DNAH12: variants seen among roughly 807,000 people sequenced by gnomAD.
DNAH12 encodes dynein axonemal heavy chain 12, also known as axonemal beta dynein heavy chain 12.
In DNAH12, 285 loss-of-function variants were observed where a neutral mutation model predicts 371.5. The ratio of observed to expected loss-of-function variants is 0.77; its 90% confidence interval spans 0.70 to 0.85. The LOEUF is 0.85. DNAH12 is among the 40% of genes least tolerant of loss of function. The probability of loss-of-function intolerance (pLI) is 0.00; values close to 1 mark genes in which losing one functional copy is unlikely to be tolerated. For synonymous variants in DNAH12, 1,200 were observed against 1,213.0 expected (o/e 0.99, Z 0.22); for missense variants, 3,611 against 3,689.4 (o/e 0.98, Z 0.55).
chr3:57,362,293 T>C (rs2062954927), intron 58 of DNAH12, among the ~76,000 whole-genome samples: 1 of 152,168 alleles, frequency 6.6e-6, no homozygotes, highest in Non-Finnish European at 1.5e-5. Context: ...TGGTTCCAAG[T>C]CTTTGCTATT....
At chr3:57,546,620 A>G (rs139214898), upstream of DNAH12, among the ~76,000 whole-genome samples, 640 of 152,314 alleles carry the variant, frequency 4.2e-3, 2 homozygotes, top group Middle Eastern at 0.01. Context: ...TTGGGATTAT[A>G]GGCATGAGCC....
intron 8 of DNAH12, among the ~76,000 whole-genome samples, chr3:57,505,540 A>G (rs1458431702): frequency 6.6e-6 from 1 of 151,758 alleles, no homozygotes; most frequent in Non-Finnish European, 1.5e-5. Flanking sequence ...TCCCGGGTTC[A>G]AGCAATTCTC....
At chr3:57,555,918 G>A in the DNAH12 span, among the ~76,000 whole-genome samples, 2 of 152,200 alleles carry the variant, frequency 1.3e-5, no homozygotes, top group Admixed American at 1.3e-4. Context: ...CTCGCAATCC[G>A]GGTGGAGGCC....
At chr3:57,300,112 T>C (rs1257774459) in intron 70 of DNAH12, among the ~76,000 whole-genome samples, 1 of 152,218 alleles carries the variant, frequency 6.6e-6, no homozygotes, top group East Asian at 1.9e-4. Flanking sequence ...CCCTGGTTCT[T>C]TGCAGATAGC....
intron 39 of DNAH12, among the ~76,000 whole-genome samples, chr3:57,410,810 T>G (rs1420523707): frequency 2.3e-5 from 3 of 130,482 alleles, no homozygotes; most frequent in African/African-American, 3.3e-5. Context: ...AGCAAGACTT[T>G]GTCTCAAAGG....
chr3:57,493,527 C>CAAATA lies in DNAH12; in HGVS notation c.1336-3841_1336-3840insTATTT, dbSNP rs1018633344. ...ACCAAAAGACAACTATATACCATCC[C>CAAATA]TGAATTTGTGAAAGTAATAATGCAT... On this transcript the variant is annotated intron_variant, in intron 11 of 73. Coordinates refer to ENST00000495027, the MANE Select transcript of DNAH12 (RefSeq NM_001366028.2). 205 of 152,214 alleles carry CAAATA rather than the reference C, an allele frequency of 1.3e-3. 1 individual carries two copies. The highest frequency in any genetic ancestry group is 4.7e-3 in the African/African-American group (194 of 41,528). 9.4% of individuals were successfully genotyped at this position (152,214 alleles called of 1,614,324 possible).
In DNAH12 at chr3:57,333,588, C is replaced by G. The variant is rs190468856; in HGVS notation, c.9978+877G>C. On this transcript the variant is annotated intron_variant, in intron 62 of 73. Coordinates refer to ENST00000495027, the MANE Select transcript of DNAH12 (RefSeq NM_001366028.2). Reference sequence around the variant, plus strand: ...TCAAGTGATCTGTCCTCCTCGGCCTCCCAAAGGCCAGGATTACAGGCATGA... The same window carrying G: ...TCAAGTGATCTGTCCTCCTCGGCCTGCCAAAGGCCAGGATTACAGGCATGA... 1.6e-4 allele frequency among the ~76,000 whole-genome samples: 25 copies of G among 152,206 alleles called. No homozygotes were observed. The East Asian group carries it at 4.1e-3, about 25-fold the overall frequency.
At chr3:57,393,539 T>C (rs1367570660) in intron 44 of DNAH12, among the ~76,000 whole-genome samples, 1 of 139,114 alleles carries the variant, frequency 7.2e-6, no homozygotes, top group Non-Finnish European at 1.5e-5. Flanking sequence ...GGCAGGAGAA[T>C]GGCGTGAACC....
chr3:57,466,133 G>T (rs1004257959), intron 17 of DNAH12, among the ~76,000 whole-genome samples: 2 of 151,622 alleles, frequency 1.3e-5, no homozygotes, highest in African/African-American at 2.4e-5. Flanking sequence ...AAAAAATGAA[G>T]AAGCTCCCTA....
intron 25 of DNAH12, among the ~76,000 whole-genome samples, chr3:57,447,988 T>G (rs1485385848): frequency 6.6e-6 from 1 of 152,176 alleles, no homozygotes; most frequent in African/African-American, 2.4e-5. Flanking sequence ...CTATTTTAAA[T>G]TTATAATGGA....
intron 8 of DNAH12, among the ~76,000 whole-genome samples, chr3:57,506,026 G>A (rs1009943647): frequency 2.6e-5 from 4 of 152,140 alleles, no homozygotes; most frequent in Non-Finnish European, 5.9e-5. Context: ...GATTACAGGC[G>A]TGAGCCACCA....
chr3:57,359,577 A>G (rs951701159), intron 58 of DNAH12, among the ~76,000 whole-genome samples: 7,281 of 144,310 alleles, frequency 0.05, 638 homozygotes, highest in African/African-American at 0.19. Context: ...AAAAAAAAAA[A>G]AAAGAAAGAA....
In DNAH12 at chr3:57,413,888, T is replaced by C. The variant is rs1553683824; in HGVS notation, c.5878A>G (p.Lys1960Glu). ...GGTCCAAAGACTCCTTTGCGTCTTT[T>C]ATCCAATCTAGCCATGATAATGTTC... ...VQNIIMARLD[K>E]RRKGVFGPPM... Residue 1960 changes from lysine to glutamate, a missense_variant, in exon 39 of 74, where the codon AAA becomes GAA. Coordinates refer to ENST00000495027, the MANE Select transcript of DNAH12 (RefSeq NM_001366028.2). 6.4e-7 allele frequency: 1 copy of C among 1,550,784 alleles called. No individual in the cohort carries two copies. Among genetic ancestry groups the C allele is most frequent in the Non-Finnish European group, 8.7e-7 (1 of 1,146,648 alleles).
intron 43 of DNAH12, among the ~76,000 whole-genome samples, chr3:57,396,591 G>T (rs2063746872): frequency 6.6e-6 from 1 of 152,072 alleles, no homozygotes; most frequent in Non-Finnish European, 1.5e-5. Context: ...AAGTATCTGA[G>T]ATTACAGGTG....
At position 57,499,673 on chromosome 3, in the gene DNAH12, T is replaced by TATATACACACAC. The variant is rs771112538; in HGVS notation, c.1335+1647_1335+1648insGTGTGTGTATAT. On this transcript the variant is annotated intron_variant, in intron 11 of 73. Coordinates refer to ENST00000495027, the MANE Select transcript of DNAH12 (RefSeq NM_001366028.2). The stretch of plus-strand genomic sequence containing the variant: ...ATATATATATATATATATATATATA[T>TATATACACACAC]ATACTTCTTAAAAAAATTAGCCAGG... Among the ~76,000 whole-genome samples the TATATACACACAC allele has an allele frequency of 1.5e-3, 65 of 44,432 alleles. 1 individual carries two copies. Among genetic ancestry groups the TATATACACACAC allele is most frequent in the Non-Finnish European group, 2.2e-3 (53 of 23,662 alleles). 29.1% of individuals were successfully genotyped at this position (44,432 alleles called of 152,430 possible). A position where few individuals can be genotyped will look rare whatever the true frequency, so the allele number is the denominator to read the frequency against.
At chr3:57,297,654 C>A (rs2061260842) in intron 70 of DNAH12, among the ~76,000 whole-genome samples, 1 of 152,100 alleles carries the variant, frequency 6.6e-6, no homozygotes, top group South Asian at 2.1e-4. Context: ...CCGCGCCCGG[C>A]CCCCAGTTCC....
intron 43 of DNAH12, among the ~76,000 whole-genome samples, chr3:57,397,759 A>C (rs1207469928): frequency 6.6e-6 from 1 of 152,226 alleles, no homozygotes; most frequent in African/African-American, 2.4e-5. Flanking sequence ...ACACGTCCCC[A>C]GAAAATGTCT....
In DNAH12 at chr3:57,461,497, C is replaced by T; in HGVS notation, c.2728G>A (p.Glu910Lys). 6.4e-7 allele frequency: 1 copy of T among 1,551,148 alleles called. No individual in the cohort carries two copies. Among genetic ancestry groups the T allele is most frequent in the Non-Finnish European group, 8.7e-7 (1 of 1,146,750 alleles). Residue 910 changes from glutamate (E) to lysine (K), a missense_variant, in exon 19 of 74, where the codon GAG (glutamate) becomes AAG (lysine). By Grantham distance (56) the Glu-to-Lys change is moderately conservative. Transcript: ENST00000495027. ...GSPFIKPFEH[E>K]IKAWEDRLIR... is the part of the protein sequence containing the mutation. ...TATCACATTTAACATACCTTGATCT[C>T]ATGTTCAAATGGTTTGATGAAAGGT...
At chr3:57,445,132 C>T in intron 28 of DNAH12, 42 bp downstream of exon 28, 1 of 1,478,312 alleles carries the variant, frequency 6.8e-7, no homozygotes, top group Non-Finnish European at 9.0e-7. Context: ...AGAAAATTAT[C>T]TTTCTACTGA....
Sources: allele counts gnomAD v4.1 joint callset (sites outside exome capture counted in the v4.1 genomes callset), GRCh38; gene constraint gnomAD v4.1.1; transcripts MANE v1.5; gene names NCBI Gene and HGNC (gene_info 2026-07-23, HGNC 2026-07-21).